RNF144A: variants seen among roughly 807,000 people sequenced by gnomAD.
The protein encoded by RNF144A is ring finger protein 144A.
In RNF144A, 11 loss-of-function variants were observed where a neutral mutation model predicts 38.7. The ratio of observed to expected loss-of-function variants is 0.28; its 90% CI spans 0.18 to 0.47. The LOEUF (loss-of-function observed/expected upper bound fraction) is 0.47. Among genes scored for constraint, RNF144A ranks in the 20% least tolerant of loss-of-function variants. The probability of loss-of-function intolerance (pLI) is 0.99; values close to 1 mark genes in which losing one functional copy is unlikely to be tolerated. For missense variants in RNF144A, 316 were observed against 377.2 expected, an observed-to-expected ratio of 0.84 and a Z score of 1.34; for synonymous variants, 149 against 143.9, an observed-to-expected ratio of 1.04 and a Z score of -0.25.
chr2:6,976,619 C>T (rs1668333735), intron 2 of RNF144A, among the ~76,000 whole-genome samples: 1 of 147,906 alleles, frequency 6.8e-6, no homozygotes, highest in Non-Finnish European at 1.5e-5. Context: ...TGATATATGT[C>T]ATATATACAT....
At chr2:7,045,470 G>A (rs1015252567), downstream of RNF144A, among the ~76,000 whole-genome samples, 2 of 152,190 alleles carry the variant, frequency 1.3e-5, no homozygotes, top group Admixed American at 1.3e-4. Context: ...GCAGTCCTGG[G>A]TGTTCCTTGG....
downstream of RNF144A, among the ~76,000 whole-genome samples, chr2:7,045,026 C>T (rs774433514): frequency 3.9e-5 from 6 of 152,210 alleles, no homozygotes; most frequent in African/African-American, 7.2e-5. Flanking sequence ...CACAGCCCTT[C>T]GGCCAGGCCG....
At chr2:6,954,060 C>G (rs1216892131) in intron 2 of RNF144A, among the ~76,000 whole-genome samples, 2 of 152,018 alleles carry the variant, frequency 1.3e-5, no homozygotes, top group African/African-American at 4.8e-5. Flanking sequence ...TTCTTGATCA[C>G]TTTTCTCCAT....
At position 7,042,227 on chromosome 2, in the gene RNF144A, A is replaced by T; in HGVS notation, c.*2467A>T. ...CCAGACTTATCTTTGATGGGAATACAGTATGAACCCTGCTTGATGTAAAAT... is the reference window on the plus strand; with the variant it reads ...CCAGACTTATCTTTGATGGGAATACTGTATGAACCCTGCTTGATGTAAAAT... On this transcript the variant is annotated 3_prime_UTR_variant, in exon 9 of 9. Transcript: ENST00000320892. 1 of 985,492 alleles carries T rather than the reference A, an allele frequency of 1.0e-6. No individual in the cohort carries two copies. Among genetic ancestry groups the T allele is most frequent in the East Asian group, 1.1e-4 (1 of 8,822 alleles). The allele number at this position is 985,492 out of a possible 1,614,324, so 61.0% of individuals were successfully genotyped here. A position where few individuals can be genotyped will look rare whatever the true frequency, so the allele number is the denominator to read the frequency against.
intron 1 of RNF144A, among the ~76,000 whole-genome samples, chr2:6,938,015 T>C (rs921969543): frequency 6.6e-6 from 1 of 152,198 alleles, no homozygotes; most frequent in Non-Finnish European, 1.5e-5. Context: ...AGGATGGCCC[T>C]GCAGAGGCAG....
Position 6,991,263 on chromosome 2 carries a change from C to T in RNF144A, c.-11-5653C>T, listed in dbSNP as rs574299456. On this transcript the variant is annotated intron_variant, in intron 2 of 8. Coordinates refer to ENST00000320892, the MANE Select transcript of RNF144A (RefSeq NM_014746.6). ...GCATCATCTGCTTGGGAGGAGACAG[C>T]GTCCAAGTACTTTCCTAAAGCGTCA... is the stretch of plus-strand genomic sequence containing the variant. Among the ~76,000 whole-genome samples, 7 of 152,266 alleles carry T rather than the reference C, an allele frequency of 4.6e-5. No homozygotes were observed. In the East Asian group the frequency reaches 5.8e-4, roughly 13 times the overall value.
chr2:7,017,647 G>A (rs1257343867), intron 5 of RNF144A, among the ~76,000 whole-genome samples: 1 of 152,244 alleles, frequency 6.6e-6, no homozygotes, highest in Admixed American at 6.5e-5. Context: ...CCATGAATAC[G>A]CCTCTGGGAG....
At chr2:6,985,250 A>T (rs2103369285) in intron 2 of RNF144A, among the ~76,000 whole-genome samples, 1 of 141,636 alleles carries the variant, frequency 7.1e-6, no homozygotes, top group African/African-American at 2.6e-5. Context: ...TGCATGTTTT[A>T]ATTCATCTCC....
chr2:7,027,209 G>A (rs529211349), intron 7 of RNF144A, among the ~76,000 whole-genome samples: 104 of 152,100 alleles, frequency 6.8e-4, no homozygotes, highest in Non-Finnish European at 1.4e-3. Flanking sequence ...CTCCTCCCCT[G>A]CTTCCCTCTC....
intron 5 of RNF144A, among the ~76,000 whole-genome samples, chr2:7,016,154 T>C (rs1671125542): frequency 6.7e-6 from 1 of 150,142 alleles, no homozygotes; most frequent in Non-Finnish European, 1.5e-5. Context: ...GTAGCCCACT[T>C]AAAAAAAAAC....
At chr2:7,014,610 C>T (rs1671020979) in intron 4 of RNF144A, 52 bp downstream of exon 4, 2 of 1,520,864 alleles carry the variant, frequency 1.3e-6, no homozygotes, top group Admixed American at 3.4e-5. Context: ...GCGTGCACTG[C>T]TGAACTTGTC....
intron 1 of RNF144A, among the ~76,000 whole-genome samples, chr2:6,936,118 T>G (rs1011387847): frequency 6.6e-6 from 1 of 152,252 alleles, no homozygotes; most frequent in African/African-American, 2.4e-5. Flanking sequence ...TGCAGAGCAG[T>G]GAGCATGTTT....
rs941112832 is a variant in RNF144A at position 6,958,691 on chromosome 2, A to G, written c.-12+17544A>G. Among the ~76,000 whole-genome samples, 2 of 152,114 alleles carry G rather than the reference A, an allele frequency of 1.3e-5. No individual in the cohort carries two copies. Among genetic ancestry groups the G allele is most frequent in the African/African-American group, 4.8e-5 (2 of 41,434 alleles). On this transcript the variant is annotated intron_variant, in intron 2 of 8. Transcript: ENST00000320892. The surrounding 1 kb of genome is among the most constrained non-coding windows in gnomAD (Gnocchi z 4.5). ...CTGGGGGACTGTCCACGTGACCGTAATCTATTTCCCAGAGGGTCCCAGGCT... is the reference window on the plus strand; with the variant it reads ...CTGGGGGACTGTCCACGTGACCGTAGTCTATTTCCCAGAGGGTCCCAGGCT...
intron 3 of RNF144A, among the ~76,000 whole-genome samples, chr2:6,999,807 C>A (rs979428752): frequency 3.3e-5 from 5 of 152,214 alleles, no homozygotes; most frequent in African/African-American, 1.2e-4. Context: ...AGAGTTTGGG[C>A]AGCTCTCCCT....
At chr2:6,984,506 G>T (rs1224735843) in intron 2 of RNF144A, among the ~76,000 whole-genome samples, 1 of 152,066 alleles carries the variant, frequency 6.6e-6, no homozygotes, top group Admixed American at 6.6e-5. Flanking sequence ...GTTTCACCAT[G>T]TTGGCCAGGC....
intron 5 of RNF144A, among the ~76,000 whole-genome samples, chr2:7,015,578 G>A (rs1671082967): frequency 6.6e-6 from 1 of 152,208 alleles, no homozygotes; most frequent in African/African-American, 2.4e-5. Flanking sequence ...CATGTGGAAT[G>A]TCCAGGAGAG....
chr2:7,041,324 T>G lies in RNF144A; in HGVS notation c.*1564T>G. On this transcript the variant is annotated 3_prime_UTR_variant, in exon 9 of 9. Coordinates refer to ENST00000320892, the MANE Select transcript of RNF144A (RefSeq NM_014746.6). Reference sequence around the variant, plus strand: ...TTACTTTCCCTGGTTGGAAATTTATTTCTTATTTCCTAACATTGAATTCGT... The same window carrying G: ...TTACTTTCCCTGGTTGGAAATTTATGTCTTATTTCCTAACATTGAATTCGT... The G allele has an allele frequency of 1.0e-6, 1 of 985,822 alleles. No homozygotes were observed. Among genetic ancestry groups the G allele is most frequent in the African/African-American group, 1.7e-5 (1 of 57,372 alleles). The allele number at this position is 985,822 out of a possible 1,614,324, so 61.1% of individuals were successfully genotyped here.
intron 1 of RNF144A, among the ~76,000 whole-genome samples, chr2:6,936,844 AGTGTGTGTGTGTGT>A (rs55971680): frequency 1.4e-5 from 2 of 144,092 alleles, no homozygotes; most frequent in East Asian, 2.1e-4. Context: ...CACACACAGT[AGTGTGTGTGTGTGT>A]GTGTGTGTGT....
At chr2:6,994,074 C>G (rs943552670) in intron 2 of RNF144A, among the ~76,000 whole-genome samples, 1 of 151,604 alleles carries the variant, frequency 6.6e-6, no homozygotes. Flanking sequence ...ACCAAGTGGC[C>G]AAAAAAAAGG....
Sources: allele counts gnomAD v4.1 joint callset (sites outside exome capture counted in the v4.1 genomes callset), GRCh38; gene constraint gnomAD v4.1.1; non-coding constraint Gnocchi (gnomAD v3.1); transcripts MANE v1.5; gene names NCBI Gene and HGNC (gene_info 2026-07-23, HGNC 2026-07-21).